The following DHX35 variants were observed in gnomAD, a reference collection of about 807,000 sequenced individuals.
DHX35 encodes the protein DEAH-box helicase 35, also known as probable ATP-dependent RNA helicase DHX35.
DHX35 carries 84 observed loss-of-function variants against 99.6 expected under a neutral mutation model. The ratio of observed to expected loss-of-function variants is 0.84; its 90% confidence interval spans 0.71 to 1.01. DHX35 has a LOEUF of 1.01. Ranked by LOEUF, DHX35 falls within the 50% of genes least tolerant of loss-of-function variation. The pLI is 0.00. For synonymous variants in DHX35, 331 were observed against 316.2 expected (o/e 1.05, Z -0.50); for missense variants, 852 against 888.5 (o/e 0.96, Z 0.52).
rs1431978654 is a variant in DHX35 at position 38,969,080 on chromosome 20, G to C, written c.41-1G>C. On this transcript the variant is annotated splice_acceptor_variant, in intron 1 of 21. Transcript: ENST00000252011. LOFTEE classifies it high-confidence loss of function. ...CTGAAAAAAAAACATTTCTGCTGCA[G>C]GTACAGAGGGGCCAGGTGTAAGCAT... is the stretch of plus-strand genomic sequence containing the variant. 1 of 1,594,880 alleles carries C rather than the reference G, an allele frequency of 6.3e-7. No individual in the cohort carries two copies. Among genetic ancestry groups the C allele is most frequent in the Non-Finnish European group, 8.5e-7 (1 of 1,171,318 alleles).
Position 39,007,639 on chromosome 20 carries a change from G to A in DHX35, c.1222+1283G>A, listed in dbSNP as rs570415133. 1.6e-4 allele frequency among the ~76,000 whole-genome samples: 24 copies of A among 152,296 alleles called. No individual in the cohort carries two copies. In the South Asian group the frequency reaches 5.0e-3, roughly 32 times the overall value. ...CTGGCAATACAGTCCTTATCTAGGC[G>A]AAGAGGTGATTGGGGAGATTCAATT... On this transcript the variant is annotated intron_variant, in intron 12 of 21. Coordinates refer to ENST00000252011, the MANE Select transcript of DHX35 (RefSeq NM_021931.4).
intron 14 of DHX35, among the ~76,000 whole-genome samples, chr20:39,016,487 A>G (rs2092261): frequency 0.34 from 51,341 of 152,072 alleles, 8,768 homozygotes; most frequent in Middle Eastern, 0.52. Context: ...CCCTTTTATC[A>G]CTGAATAATA....
chr20:39,012,591 G>A (rs1268201232), intron 13 of DHX35, among the ~76,000 whole-genome samples: 1 of 151,438 alleles, frequency 6.6e-6, no homozygotes, highest in Non-Finnish European at 1.5e-5. Flanking sequence ...GTGCAGTTGT[G>A]CGATCTCAGC....
At chr20:38,992,475 A>G (rs2145876373) in intron 7 of DHX35, 50 bp downstream of exon 7, 1 of 1,576,562 alleles carries the variant, frequency 6.3e-7, no homozygotes, top group Non-Finnish European at 8.7e-7. Flanking sequence ...TTTATTGCCT[A>G]ATTACAAAAG....
At chr20:38,981,486 T>C (rs548943938) in intron 3 of DHX35, among the ~76,000 whole-genome samples, 10 of 152,248 alleles carry the variant, frequency 6.6e-5, no homozygotes, top group Non-Finnish European at 1.2e-4. Flanking sequence ...TGTTTCATCT[T>C]TGAACATTAG....
At chr20:39,016,553 T>C (rs1404654311) in intron 14 of DHX35, among the ~76,000 whole-genome samples, 2 of 152,206 alleles carry the variant, frequency 1.3e-5, no homozygotes, top group Non-Finnish European at 2.9e-5. Flanking sequence ...TGATAGACAT[T>C]TGGGTTGTTT....
chr20:39,008,449 C>G (rs973596762), intron 12 of DHX35, among the ~76,000 whole-genome samples: 1 of 152,146 alleles, frequency 6.6e-6, no homozygotes, highest in Non-Finnish European at 1.5e-5. Flanking sequence ...TTTAAAGAGG[C>G]CAGCATTATC....
intron 4 of DHX35, among the ~76,000 whole-genome samples, chr20:38,984,410 G>T (rs1048132177): frequency 5.9e-5 from 9 of 152,234 alleles, no homozygotes; most frequent in Admixed American, 1.3e-4. Context: ...AAGATGAATG[G>T]TTGACTGGCT....
intron 8 of DHX35, among the ~76,000 whole-genome samples, chr20:38,997,712 T>C (rs2086452739): frequency 6.6e-6 from 1 of 152,012 alleles, no homozygotes; most frequent in Non-Finnish European, 1.5e-5. Flanking sequence ...GTGTGGGTTG[T>C]GGGTCCGTGT....
chr20:39,024,703 G>A (rs1174897484), intron 17 of DHX35, among the ~76,000 whole-genome samples: 1 of 152,060 alleles, frequency 6.6e-6, no homozygotes, highest in Non-Finnish European at 1.5e-5. Flanking sequence ...GAATTTCAGA[G>A]GTACATTTCC....
chr20:39,037,371 G>A (rs930177699), intron 21 of DHX35, among the ~76,000 whole-genome samples: 11 of 152,134 alleles, frequency 7.2e-5, no homozygotes, highest in African/African-American at 2.7e-4. Flanking sequence ...TTTTAACGAG[G>A]CCTTTGCAAG....
intron 9 of DHX35, among the ~76,000 whole-genome samples, chr20:39,002,397 G>T (rs543112193): frequency 6.6e-6 from 1 of 152,272 alleles, no homozygotes; most frequent in South Asian, 2.1e-4. Context: ...CCATCCAGCC[G>T]ACCCATAGAT....
At chr20:38,977,597 A>G in intron 3 of DHX35, 1 of 305,796 alleles carries the variant, frequency 3.3e-6, no homozygotes, top group South Asian at 3.5e-5. Flanking sequence ...TTAAAAATGA[A>G]ACAGGCATTT....
intron 8 of DHX35, among the ~76,000 whole-genome samples, chr20:38,996,541 A>T (rs1486184118): frequency 6.6e-6 from 1 of 152,190 alleles, no homozygotes; most frequent in African/African-American, 2.4e-5. Flanking sequence ...AGCTCTATAA[A>T]GATCATTCTG....
At chr20:38,994,069 A>G (rs188518116) in intron 7 of DHX35, among the ~76,000 whole-genome samples, 7 of 152,282 alleles carry the variant, frequency 4.6e-5, no homozygotes, top group Admixed American at 3.3e-4. Flanking sequence ...GGGCTAGCAC[A>G]TAAGTTAGTC....
intron 14 of DHX35, among the ~76,000 whole-genome samples, chr20:39,016,320 C>A (rs1437898402): frequency 6.6e-6 from 1 of 152,156 alleles, no homozygotes; most frequent in Non-Finnish European, 1.5e-5. Context: ...CCATACACTT[C>A]CCAGTAGGCC....
At chr20:38,984,949 T>G (rs1206225680) in intron 4 of DHX35, among the ~76,000 whole-genome samples, 1 of 152,134 alleles carries the variant, frequency 6.6e-6, no homozygotes, top group Non-Finnish European at 1.5e-5. Flanking sequence ...TTTGTTGATA[T>G]AAAATTCTTG....
At chr20:38,986,736 C>T (rs1021328321) in intron 4 of DHX35, among the ~76,000 whole-genome samples, 9 of 152,168 alleles carry the variant, frequency 5.9e-5, no homozygotes, top group African/African-American at 2.2e-4. Flanking sequence ...GGAAATACAA[C>T]CACCAGAGGC....
intron 5 of DHX35, 43 bp from the exon 6 acceptor site, chr20:38,991,411 T>C: frequency 6.4e-7 from 1 of 1,563,730 alleles, no homozygotes; most frequent in Non-Finnish European, 8.8e-7. Context: ...TAATATGTAG[T>C]GTAAGTGAAT....
Sources: gnomAD v4.1 joint callset for allele counts (sites outside exome capture counted in the v4.1 genomes callset) on GRCh38, gnomAD v4.1.1 for gene constraint, MANE v1.5 for transcripts, NCBI Gene and HGNC (gene_info 2026-07-23, HGNC 2026-07-21) for gene names.